LRRC46: variants seen among roughly 807,000 people sequenced by gnomAD.
LRRC46 encodes leucine-rich repeat-containing protein 46.
A neutral mutation model predicts 28.0 loss-of-function variants in LRRC46; 20 were observed. That is an observed-to-expected ratio of 0.71 (90% CI 0.50 to 1.04). The LOEUF (loss-of-function observed/expected upper bound fraction) is 1.04. Ranked by LOEUF, LRRC46 falls within the 50% of genes least tolerant of loss-of-function variation. The pLI, the probability that LRRC46 is intolerant of heterozygous loss-of-function variation, is 0.00. For missense variants in LRRC46, 315 were observed against 390.1 expected (o/e 0.81, Z 1.62); for synonymous variants, 156 against 158.8 (o/e 0.98, Z 0.13).
At chr17:47,832,709 A>C (rs529334823) in intron 2 of LRRC46, among the ~76,000 whole-genome samples, 1 of 152,300 alleles carries the variant, frequency 6.6e-6, no homozygotes, top group African/African-American at 2.4e-5. Flanking sequence ...AAGTATTTTT[A>C]ATTACTTTTT....
At position 47,836,912 on chromosome 17, in the gene LRRC46, C is replaced by G; in HGVS notation, c.758C>G (p.Thr253Ser). Residue 253 changes from threonine (T) to serine (S), a missense_variant, in exon 8 of 8, where the codon ACT (threonine) becomes AGT (serine). By Grantham distance (58) the Thr-to-Ser change is moderately conservative. Transcript: ENST00000269025. This position sits in a 1 kb window ranked among gnomAD's most constrained non-coding sequence, Gnocchi z 5.8. Reference sequence around the variant, plus strand: ...GCTGGGGACAGCAGCCCTTCTGCCACTCCTGCGCAAGGGGAGGAGACAGTC... The same window carrying G: ...GCTGGGGACAGCAGCCCTTCTGCCAGTCCTGCGCAAGGGGAGGAGACAGTC... ...PMAGDSSPSA[T>S]PAQGEETVPE... 6.2e-7 allele frequency: 1 copy of G among 1,613,944 alleles called. No individual in the cohort carries two copies. Among genetic ancestry groups the G allele is most frequent in the East Asian group, 2.2e-5 (1 of 44,876 alleles).
At position 47,832,347 on chromosome 17, in the gene LRRC46, T is replaced by A. The variant is rs1212359345; in HGVS notation, c.116+142T>A. The A allele has an allele frequency of 5.4e-6, 3 of 554,364 alleles. No homozygotes were observed. In the Admixed American group the frequency reaches 1.1e-4, roughly 21 times the overall value. 34.3% of individuals were successfully genotyped at this position (554,364 alleles called of 1,614,324 possible). A position where few individuals can be genotyped will look rare whatever the true frequency, so the allele number is the denominator to read the frequency against. On this transcript the variant is annotated intron_variant, in intron 2 of 7. Transcript: ENST00000269025. ...CAATCAGTGGTAATGCCCAGCTGAT[T>A]TTCCCTTCTTCAAAATAATTCCATT...
intron 2 of LRRC46, among the ~76,000 whole-genome samples, chr17:47,833,173 C>G (rs1598043289): frequency 1.3e-5 from 2 of 152,136 alleles, no homozygotes; most frequent in Middle Eastern, 3.4e-3. Context: ...CTCCCCATAT[C>G]CCCCCACCTT....
At position 47,836,023 on chromosome 17, in the gene LRRC46, C is replaced by G; in HGVS notation, c.383-10C>G. 2 of 1,613,932 alleles carry G rather than the reference C, an allele frequency of 1.2e-6. No homozygotes were observed. Among genetic ancestry groups the G allele is most frequent in the Non-Finnish European group, 1.7e-6 (2 of 1,179,758 alleles). ...GAGAACCCCATTTCCTCTCTCTTTG[C>G]TGTGTGCAGATGAGTTCCCCCAGAG... On this transcript the variant is annotated splice_polypyrimidine_tract_variant and intron_variant, in intron 5 of 7. Transcript: ENST00000269025. The surrounding 1 kb of genome is among the most constrained non-coding windows in gnomAD (Gnocchi z 5.8).
rs1366180659 is a variant in LRRC46 at position 47,831,946 on chromosome 17, T to C, written c.-44T>C. On this transcript the variant is annotated 5_prime_UTR_variant, in exon 1 of 8. Transcript: ENST00000269025. ...TTAGGGGCCGCCAAGACCTCTCTTT[T>C]CGTTCCTCTCCCGCCTCAGACCAGC... 1.2e-6 allele frequency: 2 copies of C among 1,612,512 alleles called. No homozygotes were observed. Among genetic ancestry groups the C allele is most frequent in the Middle Eastern group, 2.1e-4 (1 of 4,776 alleles).
intron 2 of LRRC46, 86 bp downstream of exon 2, chr17:47,832,291 G>T: frequency 1.0e-6 from 1 of 965,118 alleles, no homozygotes. Flanking sequence ...TTTGTCAACT[G>T]ATCTTTGTTT....
Position 47,836,677 on chromosome 17 carries a change from C to T in LRRC46, c.596-73C>T. ...GACAAGGGGCCAGCCAGAGACTTCCCTGAGCCCAGGGACCCTCCTGCTGAG... is the reference window on the plus strand; with the variant it reads ...GACAAGGGGCCAGCCAGAGACTTCCTTGAGCCCAGGGACCCTCCTGCTGAG... On this transcript the variant is annotated intron_variant, in intron 7 of 7. Coordinates refer to ENST00000269025, the MANE Select transcript of LRRC46 (RefSeq NM_033413.4). This position sits in a 1 kb window ranked among gnomAD's most constrained non-coding sequence, Gnocchi z 5.8. The T allele has an allele frequency of 3.8e-6, 6 of 1,571,024 alleles. No individual in the cohort carries two copies. The highest frequency in any genetic ancestry group is 4.3e-6 in the Non-Finnish European group (5 of 1,162,118).
chr17:47,832,070 A>G (rs1165347613), intron 1 of LRRC46, 30 bp from the exon 2 acceptor site: 2 of 1,613,500 alleles, frequency 1.2e-6, no homozygotes, highest in African/African-American at 1.3e-5. Context: ...AGAGTGAGGA[A>G]GTGTCACAGT....
Position 47,837,596 on chromosome 17 carries a change from T to A in LRRC46, c.*476T>A. The A allele has an allele frequency of 1.9e-6, 1 of 530,672 alleles. No individual in the cohort carries two copies. Among genetic ancestry groups the A allele is most frequent in the Non-Finnish European group, 3.3e-6 (1 of 306,622 alleles). The allele number at this position is 530,672 out of a possible 1,614,324, so 32.9% of individuals were successfully genotyped here. On this transcript the variant is annotated 3_prime_UTR_variant, in exon 8 of 8. Coordinates refer to ENST00000269025, the MANE Select transcript of LRRC46 (RefSeq NM_033413.4). Reference sequence around the variant, plus strand: ...TCACTCACCCACTCATAGGAATGAGTACACAACCACAGGCCCCGCAGCCAG... The same window carrying A: ...TCACTCACCCACTCATAGGAATGAGAACACAACCACAGGCCCCGCAGCCAG...
chr17:47,832,140 C>G lies in LRRC46; in HGVS notation c.51C>G (p.Ile17Met). Residue 17 changes from isoleucine to methionine, a missense_variant, in exon 2 of 8, where the codon ATC (isoleucine) becomes ATG (methionine). Transcript: ENST00000269025. ...GTCCAGAGGAAGGGGGCGTCTGCAT[C>G]ACTGAAGCCCTTATCACTAAGCGGA... is the stretch of plus-strand genomic sequence containing the variant. ...AQGPEEGGVC[I>M]TEALITKRNL... 1 of 1,608,236 alleles carries G rather than the reference C, an allele frequency of 6.2e-7. No individual in the cohort carries two copies. Among genetic ancestry groups the G allele is most frequent in the Non-Finnish European group, 8.5e-7 (1 of 1,176,622 alleles).
chr17:47,836,520 C>G lies in LRRC46; in HGVS notation c.595+45C>G, dbSNP rs1395959819. 1 of 1,602,930 alleles carries G rather than the reference C, an allele frequency of 6.2e-7. No individual in the cohort carries two copies. The highest frequency in any genetic ancestry group is 8.5e-7 in the Non-Finnish European group (1 of 1,173,556). ...TTTTCAGCCTCCCCAGAGCCCACCT[C>G]TGCCCTGTGGGACATGAGGGAAGCT... is the stretch of plus-strand genomic sequence containing the variant. On this transcript the variant is annotated intron_variant, in intron 7 of 7. Transcript: ENST00000269025. The surrounding 1 kb of genome is among the most constrained non-coding windows in gnomAD (Gnocchi z 5.8).
rs2033644660 is a variant in LRRC46, at chr17:47,832,297, T to A, written c.116+92T>A. 4 of 890,518 alleles carry A rather than the reference T, an allele frequency of 4.5e-6. No homozygotes were observed. The East Asian group carries it at 1.0e-4, about 23-fold the overall frequency. 55.2% of individuals were successfully genotyped at this position (890,518 alleles called of 1,614,324 possible). A position where few individuals can be genotyped will look rare whatever the true frequency, so the allele number is the denominator to read the frequency against. Reference sequence around the variant, plus strand: ...GTGTACTGATTTGTCAACTGATCTTTGTTTCTCTCCTTACTCCACACATTC... The same window carrying A: ...GTGTACTGATTTGTCAACTGATCTTAGTTTCTCTCCTTACTCCACACATTC... On this transcript the variant is annotated intron_variant, in intron 2 of 7. Coordinates refer to ENST00000269025, the MANE Select transcript of LRRC46 (RefSeq NM_033413.4).
Position 47,831,740 on chromosome 17 carries a change from C to A in LRRC46, c.-250C>A. 1 of 638,010 alleles carries A rather than the reference C, an allele frequency of 1.6e-6. No individual in the cohort carries two copies. The highest frequency in any genetic ancestry group is 2.0e-5 in the South Asian group (1 of 50,768). The allele number at this position is 638,010 out of a possible 1,614,324, so 39.5% of individuals were successfully genotyped here. A position where few individuals can be genotyped will look rare whatever the true frequency, so the allele number is the denominator to read the frequency against. On this transcript the variant is annotated 5_prime_UTR_variant, in exon 1 of 8. Transcript: ENST00000269025. ...TGCTCCTTTCTCAACCATTCCTGCC[C>A]ACAACACCCCAGCTTGCTGCCAGCA...
chr17:47,837,160 G>A lies in LRRC46; in HGVS notation c.*40G>A, dbSNP rs768128021. 2.3e-5 allele frequency: 36 copies of A among 1,583,824 alleles called. No individual in the cohort carries two copies. In the South Asian group the frequency reaches 3.5e-4, roughly 15 times the overall value. The stretch of plus-strand genomic sequence containing the variant: ...TTCTCTACTAGTGGAGAGGAGTGGG[G>A]CCTGCCCCTCTTCTCAGACCTCTGA... On this transcript the variant is annotated 3_prime_UTR_variant, in exon 8 of 8. Transcript: ENST00000269025.
In LRRC46 at chr17:47,832,198, GAGA is replaced by G. The variant is rs1371514097; in HGVS notation, c.113_115del (p.Lys38del). 1.3e-6 allele frequency: 2 copies of G among 1,588,260 alleles called. No homozygotes were observed. Among genetic ancestry groups the G allele is most frequent in the Non-Finnish European group, 1.7e-6 (2 of 1,165,536 alleles). On this transcript the variant is annotated inframe_deletion, in exon 2 of 8. Coordinates refer to ENST00000269025, the MANE Select transcript of LRRC46 (RefSeq NM_033413.4). ...TTTCCCTGAAGATGGGGAACTGTCA[GAGA>G]AGATGTGAGTGCATGGGGGAGAAAA...
chr17:47,835,973 C>G, intron 5 of LRRC46, 60 bp from the exon 6 acceptor site: 2 of 1,583,276 alleles, frequency 1.3e-6, no homozygotes, highest in Non-Finnish European at 1.7e-6. Flanking sequence ...CCCATCGCTT[C>G]ATGGTCTTTT....
chr17:47,836,631 C>G lies in LRRC46; in HGVS notation c.596-119C>G, dbSNP rs560767901. ...CCAGGTGTCAGTCCTGGGCCCCAGC[C>G]TCAGGCTCCTTCCCACAAGGGACAA... On this transcript the variant is annotated intron_variant, in intron 7 of 7. Coordinates refer to ENST00000269025, the MANE Select transcript of LRRC46 (RefSeq NM_033413.4). The surrounding 1 kb of genome is among the most constrained non-coding windows in gnomAD (Gnocchi z 5.8). 7 of 1,498,042 alleles carry G rather than the reference C, an allele frequency of 4.7e-6. No homozygotes were observed. In the African/African-American group the frequency reaches 8.5e-5, roughly 18 times the overall value. The allele number at this position is 1,498,042 out of a possible 1,614,324, so 92.8% of individuals were successfully genotyped here.
chr17:47,834,549 AC>A lies in LRRC46; in HGVS notation c.225+19del. The A allele has an allele frequency of 6.5e-7, 1 of 1,547,934 alleles. No homozygotes were observed. The highest frequency in any genetic ancestry group is 8.9e-7 in the Non-Finnish European group (1 of 1,121,360). ...TCTGCAAGGGGTAACTTCTTTCTCC[AC>A]CCTTCCCCTCCCCTTGACCCCTGTG... On this transcript the variant is annotated intron_variant, in intron 3 of 7. Coordinates refer to ENST00000269025, the MANE Select transcript of LRRC46 (RefSeq NM_033413.4).
chr17:47,832,324 A>G lies in LRRC46; in HGVS notation c.116+119A>G, dbSNP rs1207542525. The G allele has an allele frequency of 7.8e-6, 5 of 642,930 alleles. No individual in the cohort carries two copies. The Admixed American group carries it at 1.4e-4, about 17-fold the overall frequency. The allele number at this position is 642,930 out of a possible 1,614,324, so 39.8% of individuals were successfully genotyped here. A position where few individuals can be genotyped will look rare whatever the true frequency, so the allele number is the denominator to read the frequency against. On this transcript the variant is annotated intron_variant, in intron 2 of 7. Transcript: ENST00000269025. ...TTTCTCTCCTTACTCCACACATTCA[A>G]TCAGTGGTAATGCCCAGCTGATTTT...
Sources: gnomAD v4.1 joint callset for allele counts (sites outside exome capture counted in the v4.1 genomes callset) on GRCh38, gnomAD v4.1.1 for gene constraint, Gnocchi (gnomAD v3.1) non-coding constraint, MANE v1.5 for transcripts, NCBI Gene and HGNC (gene_info 2026-07-23, HGNC 2026-07-21) for gene names.